Variants in PPP1R9A observed in about 807,000 individuals in gnomAD.
The protein encoded by PPP1R9A is protein phosphatase 1 regulatory subunit 9A.
PPP1R9A carries 59 observed loss-of-function variants against 141.9 expected under a neutral mutation model. That is an observed-to-expected ratio of 0.42 (90% CI 0.34 to 0.52). The LOEUF (loss-of-function observed/expected upper bound fraction) is 0.52, where lower values mean the gene tolerates loss of function less well. Ranked by LOEUF, PPP1R9A falls within the 20% of genes least tolerant of loss-of-function variation. The pLI, the probability that PPP1R9A is intolerant of heterozygous loss-of-function variation, is 0.10. For synonymous variants in PPP1R9A, 500 were observed against 569.7 expected, an observed-to-expected ratio of 0.88 and a Z score of 1.74; for missense variants, 1,444 against 1,611.9, an observed-to-expected ratio of 0.90 and a Z score of 1.78.
At chr7:95,002,972 G>A (rs975789756) in intron 2 of PPP1R9A, among the ~76,000 whole-genome samples, 3 of 152,150 alleles carry the variant, frequency 2.0e-5, no homozygotes, top group African/African-American at 7.2e-5. Context: ...ATCTGATCCT[G>A]AGTCCTGCTG....
intron 2 of PPP1R9A, among the ~76,000 whole-genome samples, chr7:95,086,156 C>T (rs1395275827): frequency 1.3e-5 from 2 of 151,852 alleles, no homozygotes; most frequent in Non-Finnish European, 2.9e-5. Context: ...ATACTCCACA[C>T]CCAGTTTCCT....
chr7:95,278,108 G>A (rs1212186794), intron 16 of PPP1R9A, among the ~76,000 whole-genome samples: 1 of 152,222 alleles, frequency 6.6e-6, no homozygotes, highest in East Asian at 1.9e-4. Flanking sequence ...ATCCAAGGTA[G>A]TAGTCCTTAC....
chr7:95,085,075 G>T (rs1287850642), intron 2 of PPP1R9A, among the ~76,000 whole-genome samples: 1 of 151,810 alleles, frequency 6.6e-6, no homozygotes, highest in African/African-American at 2.4e-5. Flanking sequence ...CCCATACTCG[G>T]CCTCTCCAAT....
intron 2 of PPP1R9A, among the ~76,000 whole-genome samples, chr7:94,990,343 T>G (rs1310804941): frequency 6.6e-6 from 1 of 152,132 alleles, no homozygotes; most frequent in Non-Finnish European, 1.5e-5. Context: ...AGCACTAACA[T>G]TATGTGATAC....
intron 2 of PPP1R9A, among the ~76,000 whole-genome samples, chr7:95,042,604 T>G (rs1809416281): frequency 6.6e-6 from 1 of 152,210 alleles, no homozygotes; most frequent in East Asian, 1.9e-4. Context: ...GTGTCAGTTT[T>G]ATTATGCAAA....
At chr7:94,964,050 G>A (rs1359022803) in intron 2 of PPP1R9A, among the ~76,000 whole-genome samples, 6 of 152,240 alleles carry the variant, frequency 3.9e-5, no homozygotes, top group African/African-American at 7.2e-5. Context: ...TTTATTGTGC[G>A]CCTGTGTTCT....
At chr7:95,144,271 C>T (rs887785496) in intron 4 of PPP1R9A, among the ~76,000 whole-genome samples, 1 of 152,138 alleles carries the variant, frequency 6.6e-6, no homozygotes, top group Admixed American at 6.6e-5. Context: ...ACTTATTTCA[C>T]TTAGCATAAT....
At chr7:95,083,980 G>T (rs1240095790) in intron 2 of PPP1R9A, among the ~76,000 whole-genome samples, 1 of 151,932 alleles carries the variant, frequency 6.6e-6, no homozygotes, top group African/African-American at 2.4e-5. Context: ...AGGGAACATT[G>T]CACAGAAAGG....
At chr7:95,020,373 A>G (rs1805762104) in intron 2 of PPP1R9A, among the ~76,000 whole-genome samples, 2 of 152,234 alleles carry the variant, frequency 1.3e-5, no homozygotes, top group South Asian at 4.1e-4. Context: ...AAACGAAGAT[A>G]TAAATTAAAT....
chr7:95,072,878 T>A (rs1351286883), intron 2 of PPP1R9A, among the ~76,000 whole-genome samples: 22 of 115,396 alleles, frequency 1.9e-4, no homozygotes, highest in Non-Finnish European at 3.3e-4. Context: ...AATATAATAT[T>A]ATATAATATA....
At chr7:94,928,616 C>A (rs907291555) in intron 2 of PPP1R9A, among the ~76,000 whole-genome samples, 3 of 152,202 alleles carry the variant, frequency 2.0e-5, no homozygotes, top group African/African-American at 7.2e-5. Context: ...CACCTACAGT[C>A]ATAGGCTGAC....
At chr7:94,994,903 C>A (rs1307310268) in intron 2 of PPP1R9A, among the ~76,000 whole-genome samples, 3 of 150,196 alleles carry the variant, frequency 2.0e-5, no homozygotes, top group Non-Finnish European at 4.4e-5. Flanking sequence ...AAAAAAAAAA[C>A]ACAAAAAACC....
At chr7:95,275,383 G>A (rs1020231935) in intron 16 of PPP1R9A, among the ~76,000 whole-genome samples, 7 of 145,900 alleles carry the variant, frequency 4.8e-5, no homozygotes, top group African/African-American at 1.5e-4. Flanking sequence ...ACTCCTGGGC[G>A]ATAGAGCGAG....
intron 4 of PPP1R9A, among the ~76,000 whole-genome samples, chr7:95,132,348 G>A (rs1286899589): frequency 6.6e-6 from 1 of 152,124 alleles, no homozygotes; most frequent in African/African-American, 2.4e-5. Flanking sequence ...TTGTTATTTT[G>A]AGGTATGTTT....
chr7:95,073,821 A>T (rs192925642), intron 2 of PPP1R9A, among the ~76,000 whole-genome samples: 14 of 151,946 alleles, frequency 9.2e-5, no homozygotes, highest in Admixed American at 3.3e-4. Flanking sequence ...GGCCCAAGCA[A>T]TCCTCCTGCC....
intron 16 of PPP1R9A, among the ~76,000 whole-genome samples, chr7:95,278,683 T>C (rs1803630149): frequency 1.3e-5 from 2 of 152,290 alleles, no homozygotes; most frequent in South Asian, 4.1e-4. Flanking sequence ...TATTAAAAAG[T>C]AAATTGAATA....
At position 95,225,944 on chromosome 7, in the gene PPP1R9A, A is replaced by G. The variant is rs771878265; in HGVS notation, c.1957-17A>G. The stretch of plus-strand genomic sequence containing the variant: ...GGGGTAAGGACAGCTGGATTTCTGA[A>G]ATCCCCTTCCTTTCAGACAGGAGAA... On this transcript the variant is annotated splice_polypyrimidine_tract_variant and intron_variant, in intron 7 of 19. Transcript: ENST00000433360. The G allele has an allele frequency of 6.3e-7, 1 of 1,586,514 alleles. No homozygotes were observed.
intron 2 of PPP1R9A, among the ~76,000 whole-genome samples, chr7:95,059,313 C>A (rs1189206400): frequency 1.3e-5 from 2 of 152,154 alleles, no homozygotes; most frequent in African/African-American, 4.8e-5. Context: ...TTGATTATAA[C>A]AGCCATTCTT....
At chr7:95,242,505 C>G (rs1241517070) in intron 8 of PPP1R9A, among the ~76,000 whole-genome samples, 1 of 151,980 alleles carries the variant, frequency 6.6e-6, no homozygotes, top group Non-Finnish European at 1.5e-5. Flanking sequence ...ATTTAAGTTT[C>G]TGTGTAAAGG....
Sources: gnomAD v4.1 joint callset for allele counts (sites outside exome capture counted in the v4.1 genomes callset) on GRCh38, gnomAD v4.1.1 for gene constraint, MANE v1.5 for transcripts, NCBI Gene and HGNC (gene_info 2026-07-23, HGNC 2026-07-21) for gene names.